The following CDH13 variants were observed in gnomAD, a reference collection of about 807,000 sequenced individuals.
CDH13 encodes cadherin-13.
Under a neutral mutation model 63.8 loss-of-function variants are expected in CDH13, and 24 were observed. The ratio of observed to expected loss-of-function variants is 0.38; its 90% confidence interval spans 0.27 to 0.53. The LOEUF is 0.53. CDH13 is among the 20% of genes least tolerant of loss of function. CDH13 has a pLI of 0.85. For synonymous variants in CDH13, 503 were observed against 355.3 expected (o/e 1.42, Z -4.67); for missense variants, 1,049 against 903.1 (o/e 1.16, Z -2.07).
intron 2 of CDH13, 168 bp downstream of exon 2, chr16:82,858,641 C>G (rs1353555581): frequency 4.5e-6 from 3 of 669,470 alleles, no homozygotes; most frequent in Admixed American, 2.1e-5. Context: ...AGGGCCTGGC[C>G]AACTTAGAGG....
chr16:83,396,208 G>T (rs2091883970), intron 6 of CDH13, among the ~76,000 whole-genome samples: 1 of 152,144 alleles, frequency 6.6e-6, no homozygotes, highest in African/African-American at 2.4e-5. Flanking sequence ...TGGGCACTTA[G>T]GTTGATTCCG....
chr16:83,308,107 C>T (rs1014873241), intron 5 of CDH13, among the ~76,000 whole-genome samples: 3 of 152,072 alleles, frequency 2.0e-5, no homozygotes, highest in African/African-American at 7.2e-5. Context: ...GTGCGGGAAT[C>T]AGAGATAAAT....
intron 6 of CDH13, among the ~76,000 whole-genome samples, chr16:83,383,769 T>G (rs2091617578): frequency 6.6e-6 from 1 of 152,186 alleles, no homozygotes; most frequent in Non-Finnish European, 1.5e-5. Flanking sequence ...TATTCTGAAC[T>G]CATGTTGTAC....
intron 1 of CDH13, among the ~76,000 whole-genome samples, chr16:82,640,591 C>T (rs568835315): frequency 2.6e-5 from 4 of 152,270 alleles, no homozygotes; most frequent in African/African-American, 9.6e-5. Context: ...ATTGGTCCTT[C>T]AGGCTGCCAT....
intron 1 of CDH13, among the ~76,000 whole-genome samples, chr16:82,708,498 T>C (rs117510449): frequency 0.013 from 1,944 of 152,300 alleles, 15 homozygotes; most frequent in Non-Finnish European, 0.02. Flanking sequence ...AAGACTCCAC[T>C]GTCTCTGTCT....
intron 6 of CDH13, among the ~76,000 whole-genome samples, chr16:83,371,952 TA>T (rs2091375187): frequency 6.6e-6 from 1 of 152,200 alleles, no homozygotes; most frequent in South Asian, 2.1e-4. Flanking sequence ...CCCCGGACCG[TA>T]TATACAGATA....
At chr16:83,260,354 A>G (rs1488460806) in intron 5 of CDH13, among the ~76,000 whole-genome samples, 1 of 152,214 alleles carries the variant, frequency 6.6e-6, no homozygotes, top group Non-Finnish European at 1.5e-5. Flanking sequence ...GTGGAGGGAC[A>G]GGAATGAGTG....
At chr16:83,067,393 A>G (rs879595002) in intron 3 of CDH13, among the ~76,000 whole-genome samples, 2 of 152,192 alleles carry the variant, frequency 1.3e-5, no homozygotes, top group African/African-American at 4.8e-5. Flanking sequence ...CCAGTTCTAT[A>G]AAATGGGAAC....
intron 1 of CDH13, among the ~76,000 whole-genome samples, chr16:82,729,250 G>A (rs1473376181): frequency 1.3e-5 from 2 of 152,116 alleles, no homozygotes; most frequent in African/African-American, 4.8e-5. Context: ...ATCCTTTTCA[G>A]AAGGTTTTCA....
intron 4 of CDH13, among the ~76,000 whole-genome samples, chr16:83,213,095 A>G (rs1486978600): frequency 6.6e-6 from 1 of 152,198 alleles, no homozygotes; most frequent in Non-Finnish European, 1.5e-5. Context: ...GAAGAGAGAC[A>G]GAAGAGAGAC....
intron 6 of CDH13, among the ~76,000 whole-genome samples, chr16:83,465,097 C>T (rs543350609): frequency 2.6e-5 from 4 of 152,316 alleles, no homozygotes; most frequent in African/African-American, 9.6e-5. Context: ...AAAGTCCCCC[C>T]ATCACATTTG....
At chr16:82,699,630 A>G (rs1247781857) in intron 1 of CDH13, among the ~76,000 whole-genome samples, 1 of 152,224 alleles carries the variant, frequency 6.6e-6, no homozygotes, top group African/African-American at 2.4e-5. Context: ...CATGGTGATT[A>G]TGACATTTCT....
intron 1 of CDH13, among the ~76,000 whole-genome samples, chr16:82,662,235 A>AACATTTTATCATC (rs753945729): frequency 0.048 from 7,258 of 152,328 alleles, 189 homozygotes; most frequent in Non-Finnish European, 0.063. Flanking sequence ...TAAAAAACAG[A>AACATTTTATCATC]TGCAACACAC....
intron 7 of CDH13, among the ~76,000 whole-genome samples, chr16:83,597,764 C>A (rs1445050141): frequency 6.6e-6 from 1 of 152,118 alleles, no homozygotes; most frequent in African/African-American, 2.4e-5. Context: ...ATTATAGGTG[C>A]AAAGTTTTAT....
chr16:83,074,563 A>C (rs912269346), intron 3 of CDH13, among the ~76,000 whole-genome samples: 11 of 152,140 alleles, frequency 7.2e-5, no homozygotes, highest in African/African-American at 2.7e-4. Context: ...GTGATTTTTT[A>C]AGAAATATCC....
chr16:82,967,050 T>A (rs1907946052), intron 2 of CDH13, among the ~76,000 whole-genome samples: 1 of 152,222 alleles, frequency 6.6e-6, no homozygotes, highest in Admixed American at 6.5e-5. Flanking sequence ...GGAAAAGTTC[T>A]TCATCTTTGT....
chr16:83,613,479 G>C (rs940985423), intron 8 of CDH13, among the ~76,000 whole-genome samples: 1 of 152,040 alleles, frequency 6.6e-6, no homozygotes, highest in South Asian at 2.1e-4. Flanking sequence ...CTTCTGTTGA[G>C]CTATTTTTAA....
At chr16:82,646,785 A>T (rs1387600751) in intron 1 of CDH13, among the ~76,000 whole-genome samples, 4 of 152,142 alleles carry the variant, frequency 2.6e-5, no homozygotes, top group African/African-American at 9.7e-5. Flanking sequence ...GATCAAGATG[A>T]TAGAGGGAGA....
intron 13 of CDH13, among the ~76,000 whole-genome samples, chr16:83,784,241 C>G (rs1297392124): frequency 6.6e-6 from 1 of 152,116 alleles, no homozygotes; most frequent in African/African-American, 2.4e-5. Context: ...GTTTTTTATC[C>G]TACTGACAGT....
Sources: gnomAD v4.1 joint callset for allele counts (sites outside exome capture counted in the v4.1 genomes callset) on GRCh38, gnomAD v4.1.1 for gene constraint, MANE v1.5 for transcripts, NCBI Gene and HGNC (gene_info 2026-07-23, HGNC 2026-07-21) for gene names.